USH2A: variants seen among roughly 807,000 people sequenced by gnomAD.
USH2A encodes the protein Usher syndrome 2A (autosomal recessive, mild).
Under a neutral mutation model 538.9 loss-of-function variants are expected in USH2A, and 443 were observed. The ratio of observed to expected loss-of-function variants is 0.82; its 90% CI spans 0.76 to 0.89. USH2A has a LOEUF of 0.89. USH2A is among the 40% of genes least tolerant of loss of function. The pLI is 0.00. For synonymous variants in USH2A, 2,413 were observed against 2,273.5 expected, an observed-to-expected ratio of 1.06 and a Z score of -1.75; for missense variants, 6,633 against 6,324.8, an observed-to-expected ratio of 1.05 and a Z score of -1.65.
intron 62 of USH2A, among the ~76,000 whole-genome samples, chr1:215,677,995 G>T (rs143081162): frequency 6.6e-6 from 1 of 151,986 alleles, no homozygotes; most frequent in African/African-American, 2.4e-5. Context: ...ATCTCAAAGC[G>T]CTCCCTTTCC....
In USH2A at chr1:216,289,398, T is replaced by C. The variant is rs747309714; in HGVS notation, c.1853A>G (p.Glu618Gly). The change falls in exon 11 of 72, where the codon GAG becomes GGG. Residue 618 changes from glutamate (E) to glycine (G), a missense_variant. Physicochemically the swap from Glu to Gly is moderately conservative, Grantham distance 98. Coordinates refer to ENST00000307340, the MANE Select transcript of USH2A (RefSeq NM_206933.4). ...TCGGAAAAAGTAATCCTTGCACAGC[T>C]CACAGTTCCTTCCTGCATCAGGGAA... ...CEHNTTGRNC[E>G]LCKDYFFRQV... The C allele has an allele frequency of 6.2e-7, 1 of 1,613,906 alleles. No individual in the cohort carries two copies. Among genetic ancestry groups the C allele is most frequent in the Non-Finnish European group, 8.5e-7 (1 of 1,179,810 alleles).
At chr1:216,327,836 C>G (rs2037765968) in intron 4 of USH2A, among the ~76,000 whole-genome samples, 182 bp from the exon 5 acceptor site, 1 of 152,122 alleles carries the variant, frequency 6.6e-6, no homozygotes, top group Non-Finnish European at 1.5e-5. Context: ...CAAAAATAAT[C>G]ATAGTTATCT....
intron 3 of USH2A, among the ~76,000 whole-genome samples, chr1:216,375,419 G>A (rs952533180): frequency 5.3e-5 from 8 of 152,260 alleles, no homozygotes; most frequent in Middle Eastern, 3.4e-3. Flanking sequence ...TTTATGTTAT[G>A]GAAACTACTT....
At chr1:215,982,553 T>C (rs1242519092) in intron 35 of USH2A, among the ~76,000 whole-genome samples, 3 of 152,218 alleles carry the variant, frequency 2.0e-5, no homozygotes, top group Admixed American at 6.5e-5. Context: ...CATTTAAAAT[T>C]CATTCCTTTC....
intron 44 of USH2A, among the ~76,000 whole-genome samples, chr1:215,857,870 A>C (rs1268846788): frequency 2.0e-5 from 3 of 152,136 alleles, no homozygotes; most frequent in African/African-American, 7.2e-5. Context: ...AAGTAACCCT[A>C]ATGGTGTATA....
At chr1:215,951,048 T>C (rs938244729) in intron 37 of USH2A, among the ~76,000 whole-genome samples, 19 of 152,228 alleles carry the variant, frequency 1.2e-4, no homozygotes, top group South Asian at 4.1e-4. Context: ...TGTGTCTCTA[T>C]GTCTTCCGGT....
chr1:215,823,225 CT>C (rs1663063260), intron 47 of USH2A, among the ~76,000 whole-genome samples: 1 of 151,990 alleles, frequency 6.6e-6, no homozygotes, highest in Non-Finnish European at 1.5e-5. Context: ...TAAGATGGGT[CT>C]CATAGTGGTA....
chr1:216,277,406 G>A (rs575825867), intron 11 of USH2A, among the ~76,000 whole-genome samples: 1 of 152,020 alleles, frequency 6.6e-6, no homozygotes, highest in African/African-American at 2.4e-5. Flanking sequence ...GCTTTCACAG[G>A]TGCATCTACC....
chr1:216,320,461 G>A (rs922935715), intron 9 of USH2A, among the ~76,000 whole-genome samples: 5 of 152,114 alleles, frequency 3.3e-5, no homozygotes, highest in Non-Finnish European at 7.3e-5. Context: ...TTGAAGAACT[G>A]CTTTTCAGAA....
At chr1:215,973,656 CTTTTTTT>C (rs750306238) in intron 35 of USH2A, among the ~76,000 whole-genome samples, 3 of 130,960 alleles carry the variant, frequency 2.3e-5, no homozygotes, top group East Asian at 2.2e-4. Flanking sequence ...TCTTCTTCTT[CTTTTTTT>C]TTTTTTTTTT....
At chr1:215,827,649 G>A (rs188437850) in intron 47 of USH2A, among the ~76,000 whole-genome samples, 5 of 152,178 alleles carry the variant, frequency 3.3e-5, no homozygotes, top group Admixed American at 6.6e-5. Flanking sequence ...GGATCTGTAC[G>A]AATTGCACTT....
chr1:215,920,136 C>A (rs991364718), intron 38 of USH2A, among the ~76,000 whole-genome samples: 6 of 152,014 alleles, frequency 3.9e-5, no homozygotes, highest in African/African-American at 1.2e-4. Flanking sequence ...CCAGGAACAA[C>A]CCCCTGTTGT....
At chr1:216,277,596 G>A (rs2036695316) in intron 11 of USH2A, among the ~76,000 whole-genome samples, 1 of 152,078 alleles carries the variant, frequency 6.6e-6, no homozygotes, top group Admixed American at 6.6e-5. Flanking sequence ...TGTTGCATGA[G>A]TATTAAGCAG....
intron 15 of USH2A, among the ~76,000 whole-genome samples, chr1:216,208,535 T>C (rs1046194344): frequency 6.6e-6 from 1 of 152,082 alleles, no homozygotes; most frequent in African/African-American, 2.4e-5. Context: ...GAGAGCTCAA[T>C]AAAGGAACCA....
intron 69 of USH2A, among the ~76,000 whole-genome samples, chr1:215,636,113 C>G (rs1217000184): frequency 1.3e-5 from 2 of 152,104 alleles, no homozygotes; most frequent in African/African-American, 4.8e-5. Context: ...AATCTAATAC[C>G]CACAGCCAGG....
chr1:216,105,194 CTTTG>C (rs1263871535), intron 21 of USH2A, among the ~76,000 whole-genome samples: 2 of 151,960 alleles, frequency 1.3e-5, no homozygotes, highest in Non-Finnish European at 2.9e-5. Flanking sequence ...ATGGTTAGCG[CTTTG>C]TTTGTACCTT....
intron 29 of USH2A, 129 bp from the exon 30 acceptor site, chr1:216,070,421 G>A: frequency 1.1e-6 from 1 of 890,256 alleles, no homozygotes; most frequent in South Asian, 1.5e-5. Context: ...TATTAGAGTT[G>A]TAACTTTTCA....
intron 32 of USH2A, among the ~76,000 whole-genome samples, chr1:216,039,450 C>T (rs554096495): frequency 1.3e-5 from 2 of 151,942 alleles, no homozygotes; most frequent in African/African-American, 2.4e-5. Flanking sequence ...TGGATGAGAC[C>T]GTCATCTTAC....
Position 215,782,047 on chromosome 1 carries a change from T to C in USH2A, c.10735A>G (p.Ser3579Gly), listed in dbSNP as rs1661658063. Residue 3579 changes from serine to glycine, a missense_variant, in exon 54 of 72, where the codon AGC (serine) becomes GGC (glycine). Transcript: ENST00000307340. ...ACTVAGCATSSKVVAATTQGV... is the reference protein window; with the variant it reads ...ACTVAGCATSGKVVAATTQGV... ...TTTAGGCAAACTCCTCTTACCTTGC[T>C]ACTGGTGGCACAGCCAGCAACCGTG... is the stretch of plus-strand genomic sequence containing the variant. 1 of 1,613,988 alleles carries C rather than the reference T, an allele frequency of 6.2e-7. No individual in the cohort carries two copies. The highest frequency in any genetic ancestry group is 8.5e-7 in the Non-Finnish European group (1 of 1,179,840).
Sources: gnomAD v4.1 joint callset for allele counts (sites outside exome capture counted in the v4.1 genomes callset) on GRCh38, gnomAD v4.1.1 for gene constraint, MANE v1.5 for transcripts, NCBI Gene and HGNC (gene_info 2026-07-23, HGNC 2026-07-21) for gene names.